The following TMEM156 variants were observed in gnomAD, a reference collection of about 807,000 sequenced individuals.
TMEM156 encodes transmembrane protein 156.
Under a neutral mutation model 30.5 loss-of-function variants are expected in TMEM156, and 28 were observed. That is an observed-to-expected ratio of 0.92 (90% confidence interval 0.68 to 1.26). TMEM156 has a LOEUF of 1.26. Among genes scored for constraint, TMEM156 ranks in the 50% most tolerant of loss-of-function variants. TMEM156 has a pLI of 0.00. For synonymous variants in TMEM156, 137 were observed against 119.9 expected (o/e 1.14, Z -0.93); for missense variants, 351 against 340.6 (o/e 1.03, Z -0.24).
At chr4:38,983,604 T>G (rs1278593502) in intron 5 of TMEM156, among the ~76,000 whole-genome samples, 1 of 152,170 alleles carries the variant, frequency 6.6e-6, no homozygotes, top group Non-Finnish European at 1.5e-5. Flanking sequence ...TTCACTATAT[T>G]GCCCAGGCTG....
At chr4:38,988,749 T>C in intron 4 of TMEM156, 102 bp downstream of exon 4, 1 of 1,451,470 alleles carries the variant, frequency 6.9e-7, no homozygotes, top group African/African-American at 1.4e-5. Context: ...AATCACCACT[T>C]ATTCACAGTA....
chr4:38,976,722 C>T (rs1241847501), intron 5 of TMEM156, among the ~76,000 whole-genome samples: 1 of 152,174 alleles, frequency 6.6e-6, no homozygotes, highest in Non-Finnish European at 1.5e-5. Flanking sequence ...ATTTAAAATG[C>T]ATGTTGCAGA....
At chr4:39,019,472 A>G (rs1262510567) in intron 1 of TMEM156, among the ~76,000 whole-genome samples, 1 of 151,978 alleles carries the variant, frequency 6.6e-6, no homozygotes, top group African/African-American at 2.4e-5. Context: ...AGAATCACAA[A>G]ATGTGGCAGA....
At chr4:38,977,766 C>G (rs190716988) in intron 5 of TMEM156, among the ~76,000 whole-genome samples, 7 of 151,950 alleles carry the variant, frequency 4.6e-5, no homozygotes, top group Non-Finnish European at 8.8e-5. Flanking sequence ...TTTTTAAATC[C>G]CAGTCTGAAT....
chr4:38,969,647 G>T (rs1722503127), intron 6 of TMEM156, among the ~76,000 whole-genome samples: 1 of 152,082 alleles, frequency 6.6e-6, no homozygotes, highest in South Asian at 2.1e-4. Context: ...GAGCGCAGTG[G>T]CATGGCATGA....
rs757296048 is a variant in TMEM156 at position 38,998,897 on chromosome 4, T to G, written c.101A>C (p.Glu34Ala). The G allele has an allele frequency of 1.2e-6, 2 of 1,604,700 alleles. No individual in the cohort carries two copies. The highest frequency in any genetic ancestry group is 2.7e-5 in the African/African-American group (2 of 74,320). ...YFKTPKERTL[E>A]LSCLEVCLQS... ...CAAACACACTTCCAGACATGATAGC[T>G]CCAATGTTCTTTCTGTAAAGAAAAA... Residue 34 changes from glutamate (E) to alanine (A), a missense_variant, in exon 2 of 7, where the codon GAG becomes GCG. Transcript: ENST00000381938.
At chr4:38,996,750 A>G (rs111620722) in intron 2 of TMEM156, among the ~76,000 whole-genome samples, 47 of 152,342 alleles carry the variant, frequency 3.1e-4, no homozygotes, top group African/African-American at 1.0e-3. Flanking sequence ...ACCTCTTGGT[A>G]TGTAGCCAAA....
intron 5 of TMEM156, among the ~76,000 whole-genome samples, chr4:38,982,846 T>C (rs1711683646): frequency 1.3e-5 from 2 of 151,760 alleles, no homozygotes; most frequent in Non-Finnish European, 2.9e-5. Flanking sequence ...ACAGCAGGAG[T>C]GGATGGAAAC....
chr4:39,003,740 A>T (rs977732560), intron 1 of TMEM156, among the ~76,000 whole-genome samples: 141 of 152,304 alleles, frequency 9.3e-4, no homozygotes, highest in African/African-American at 3.3e-3. Context: ...ATCTTTTTTA[A>T]TATCACTAAA....
chr4:39,018,920 C>T (rs553373017), intron 1 of TMEM156, among the ~76,000 whole-genome samples: 2 of 151,348 alleles, frequency 1.3e-5, no homozygotes, highest in South Asian at 4.2e-4. Context: ...ACTCAGGAGG[C>T]TGAGGCAGAA....
chr4:39,012,593 G>T (rs913523233), intron 1 of TMEM156, among the ~76,000 whole-genome samples: 4 of 152,298 alleles, frequency 2.6e-5, no homozygotes, highest in Admixed American at 6.5e-5. Context: ...ATCACCTGAG[G>T]TCAGGAGTTC....
At chr4:39,015,917 C>T (rs992544666) in intron 1 of TMEM156, among the ~76,000 whole-genome samples, 6 of 152,174 alleles carry the variant, frequency 3.9e-5, no homozygotes, top group Admixed American at 6.5e-5. Context: ...GTCCTTCCGC[C>T]TTCCACCATG....
chr4:39,031,062 C>A (rs970135161), intron 1 of TMEM156, among the ~76,000 whole-genome samples: 63 of 152,314 alleles, frequency 4.1e-4, no homozygotes, highest in African/African-American at 1.5e-3. Flanking sequence ...ATATTTTTAT[C>A]TGGCTATTTA....
rs1030350469 is a variant in TMEM156 at position 38,967,659 on chromosome 4, A to G, written c.*39-18T>C. The G allele has an allele frequency of 6.6e-6, 1 of 152,374 alleles. No homozygotes were observed. The highest frequency in any genetic ancestry group is 6.5e-5 in the Admixed American group (1 of 15,306). The allele number at this position is 152,374 out of a possible 1,614,324, so 9.4% of individuals were successfully genotyped here. A position where few individuals can be genotyped will look rare whatever the true frequency, so the allele number is the denominator to read the frequency against. On this transcript the variant is annotated intron_variant, in intron 6 of 6. Coordinates refer to ENST00000381938, the MANE Select transcript of TMEM156 (RefSeq NM_024943.3). Reference sequence around the variant, plus strand: ...GGGATATTCTGAAGATTTAAATAAAAGCAAGAAAATATTATTCACACAAAA... The same window carrying G: ...GGGATATTCTGAAGATTTAAATAAAGGCAAGAAAATATTATTCACACAAAA...
intron 5 of TMEM156, among the ~76,000 whole-genome samples, chr4:38,972,089 G>A (rs549252271): frequency 6.6e-5 from 10 of 151,470 alleles, no homozygotes; most frequent in Admixed American, 3.3e-4. Context: ...GCGCCCAGCC[G>A]AGGTGACCTA....
intron 5 of TMEM156, among the ~76,000 whole-genome samples, chr4:38,984,473 A>T (rs1711821103): frequency 6.9e-6 from 1 of 145,192 alleles, no homozygotes; most frequent in African/African-American, 2.5e-5. Flanking sequence ...CTTCTGCTGA[A>T]TGTGACACAG....
At chr4:38,983,408 C>CT (rs1404616711) in intron 5 of TMEM156, among the ~76,000 whole-genome samples, 2 of 152,030 alleles carry the variant, frequency 1.3e-5, no homozygotes, top group South Asian at 2.1e-4. Flanking sequence ...TTTAAAGTTA[C>CT]TTTTTTTTGA....
At chr4:38,969,277 T>A (rs1184335655) in intron 6 of TMEM156, among the ~76,000 whole-genome samples, 1 of 152,210 alleles carries the variant, frequency 6.6e-6, no homozygotes, top group African/African-American at 2.4e-5. Context: ...ATCTTTCCAC[T>A]CTACTTCCAT....
intron 5 of TMEM156, among the ~76,000 whole-genome samples, chr4:38,983,475 T>C: frequency 6.6e-6 from 1 of 152,224 alleles, no homozygotes; most frequent in South Asian, 2.1e-4. Flanking sequence ...CTCGGCTCAC[T>C]GCAGCCTCGA....
Sources: gnomAD v4.1 joint callset for allele counts (sites outside exome capture counted in the v4.1 genomes callset) on GRCh38, gnomAD v4.1.1 for gene constraint, MANE v1.5 for transcripts, NCBI Gene and HGNC (gene_info 2026-07-23, HGNC 2026-07-21) for gene names.